ROBO2: variants seen among roughly 807,000 people sequenced by gnomAD.
ROBO2 encodes roundabout guidance receptor 2, also known as roundabout homolog 2.
Under a neutral mutation model 160.8 loss-of-function variants are expected in ROBO2, and 53 were observed. The observed-to-expected ratio is 0.33, with a 90% CI of 0.26 to 0.41. The LOEUF (loss-of-function observed/expected upper bound fraction) is 0.41. Ranked by LOEUF, ROBO2 falls within the 10% of genes least tolerant of loss-of-function variation. The probability of loss-of-function intolerance (pLI) is 1.00; values close to 1 mark genes in which losing one functional copy is unlikely to be tolerated. For synonymous variants in ROBO2, 664 were observed against 611.7 expected (o/e 1.09, Z -1.26); for missense variants, 1,577 against 1,722.4 (o/e 0.92, Z 1.49).
chr3:77,200,267 TTATATATATATATATATATA>T (rs144644165), intron 2 of ROBO2, among the ~76,000 whole-genome samples: 2,903 of 46,536 alleles, frequency 0.062, 127 homozygotes, highest in South Asian at 0.15. Flanking sequence ...CTAACATATT[TTATATATATATATATATATA>T]TATATATATA....
chr3:77,151,481 A>T (rs1283676967), intron 2 of ROBO2, among the ~76,000 whole-genome samples: 2 of 152,120 alleles, frequency 1.3e-5, no homozygotes, highest in African/African-American at 4.8e-5. Flanking sequence ...TTCTGGAATT[A>T]TCAAGCTTTC....
intron 2 of ROBO2, among the ~76,000 whole-genome samples, chr3:76,940,432 C>T (rs974505174): frequency 1.3e-4 from 20 of 152,122 alleles, no homozygotes; most frequent in African/African-American, 4.3e-4. Context: ...AGGAATTGGC[C>T]AATAGCTACT....
chr3:76,849,424 C>A (rs1451275547), intron 2 of ROBO2, among the ~76,000 whole-genome samples: 1 of 152,092 alleles, frequency 6.6e-6, no homozygotes, highest in African/African-American at 2.4e-5. Flanking sequence ...TTGCATGCTT[C>A]AGAACACTAT....
chr3:76,606,887 G>T (rs1400607910), intron 2 of ROBO2, among the ~76,000 whole-genome samples: 9 of 151,816 alleles, frequency 5.9e-5, no homozygotes, highest in East Asian at 3.9e-4. Context: ...AATCATTATG[G>T]TGTGTATTTT....
chr3:76,683,273 A>G (rs2092608675), intron 2 of ROBO2, among the ~76,000 whole-genome samples: 2 of 152,142 alleles, frequency 1.3e-5, no homozygotes, highest in African/African-American at 4.8e-5. Context: ...TTATTGAGAA[A>G]TTGAAACCAA....
chr3:76,997,559 GA>G (rs1190603797), intron 2 of ROBO2, among the ~76,000 whole-genome samples: 2 of 152,150 alleles, frequency 1.3e-5, no homozygotes, highest in African/African-American at 4.8e-5. Flanking sequence ...AAAGATTAGA[GA>G]AGAGTTTTAT....
intron 2 of ROBO2, among the ~76,000 whole-genome samples, chr3:76,398,029 T>C (rs2108725691): frequency 1.3e-5 from 2 of 152,270 alleles, no homozygotes; most frequent in African/African-American, 4.8e-5. Flanking sequence ...TGTACACGTA[T>C]GTTTATTGTG....
chr3:75,968,669 C>A (rs1175528074), intron 2 of ROBO2, among the ~76,000 whole-genome samples: 3 of 151,622 alleles, frequency 2.0e-5, no homozygotes, highest in African/African-American at 4.8e-5. Context: ...ACATACTATA[C>A]TTTAGATACA....
rs138595665 is a variant in ROBO2, at chr3:76,612,224, T to A, written c.110-485790T>A. Among the ~76,000 whole-genome samples, 983 of 152,294 alleles carry A rather than the reference T, an allele frequency of 6.5e-3. 11 individuals carry two copies. Among genetic ancestry groups the A allele is most frequent in the African/African-American group, 0.022 (913 of 41,546 alleles). On this transcript the variant is annotated intron_variant, in intron 2 of 26. Coordinates refer to the ROBO2 transcript ENST00000487694. ...CCTGTGCTGAAGAGAAGAATGTGTA[T>A]TCTGTAGCTGTTGGATAAAATGTTC...
intron 2 of ROBO2, among the ~76,000 whole-genome samples, chr3:77,122,476 C>T (rs1191573190): frequency 6.6e-6 from 1 of 152,078 alleles, no homozygotes; most frequent in Non-Finnish European, 1.5e-5. Flanking sequence ...CCGTCGCTGC[C>T]CCTTTGCTTT....
chr3:77,263,278 G>C (rs2058896110), intron 2 of ROBO2, among the ~76,000 whole-genome samples: 1 of 152,082 alleles, frequency 6.6e-6, no homozygotes, highest in Non-Finnish European at 1.5e-5. Flanking sequence ...TTTAAGTTCA[G>C]GGAAAATGTG....
chr3:76,218,826 A>C (rs1575941021), intron 2 of ROBO2, among the ~76,000 whole-genome samples: 1 of 152,240 alleles, frequency 6.6e-6, no homozygotes. Context: ...GAAAGTTCAT[A>C]TGGAACCAAA....
chr3:76,400,660 A>G (rs2077760206), intron 2 of ROBO2, among the ~76,000 whole-genome samples: 1 of 151,624 alleles, frequency 6.6e-6, no homozygotes, highest in Non-Finnish European at 1.5e-5. Context: ...TCTGATACAT[A>G]TGTTTAACAC....
At chr3:76,915,671 C>CAAAAAAAAAA (rs372827394) in intron 2 of ROBO2, among the ~76,000 whole-genome samples, 1 of 96,520 alleles carries the variant, frequency 1.0e-5, no homozygotes, top group Non-Finnish European at 2.1e-5. Flanking sequence ...CTCTCGCTCT[C>CAAAAAAAAAA]AAAAAAAAAA....
chr3:76,787,610 T>G (rs1404769021), intron 2 of ROBO2, among the ~76,000 whole-genome samples: 1 of 151,460 alleles, frequency 6.6e-6, no homozygotes, highest in East Asian at 1.9e-4. Context: ...CTATATGTAT[T>G]TTATTCAATA....
intron 2 of ROBO2, among the ~76,000 whole-genome samples, chr3:76,657,461 A>G (rs1560318513): frequency 6.6e-6 from 1 of 150,798 alleles, no homozygotes; most frequent in Non-Finnish European, 1.5e-5. Context: ...AAAAAAAAAA[A>G]TTGGCCAGCT....
chr3:76,895,791 CTT>C (rs1229669355), intron 2 of ROBO2, among the ~76,000 whole-genome samples: 1 of 152,176 alleles, frequency 6.6e-6, no homozygotes, highest in Non-Finnish European at 1.5e-5. Context: ...TTAGGTTACT[CTT>C]TTCTACTTTA....
At chr3:76,495,353 T>G (rs1003194917) in intron 2 of ROBO2, among the ~76,000 whole-genome samples, 8 of 152,000 alleles carry the variant, frequency 5.3e-5, no homozygotes, top group African/African-American at 1.9e-4. Flanking sequence ...GTGCCTGAGT[T>G]GTGTATTAAT....
chr3:76,912,072 C>T (rs952804444), intron 2 of ROBO2, among the ~76,000 whole-genome samples: 1 of 152,112 alleles, frequency 6.6e-6, no homozygotes, highest in African/African-American at 2.4e-5. Flanking sequence ...TTCTAAAAGC[C>T]TAATAAATAA....
Sources: allele counts gnomAD v4.1 joint callset (sites outside exome capture counted in the v4.1 genomes callset), GRCh38; gene constraint gnomAD v4.1.1; transcripts MANE v1.5; gene names NCBI Gene and HGNC (gene_info 2026-07-23, HGNC 2026-07-21).